SLC38A6: variants seen among roughly 807,000 people sequenced by gnomAD.
SLC38A6 encodes the protein solute carrier family 38 member 6, also known as N system amino acid transporter NAT-1.
In SLC38A6, 73 loss-of-function variants were observed where a neutral mutation model predicts 65.0. The observed-to-expected ratio is 1.12, with a 90% CI of 0.93 to 1.37. The LOEUF (loss-of-function observed/expected upper bound fraction) is 1.37, where lower values mean the gene tolerates loss of function less well. SLC38A6 is among the 40% of genes most tolerant of loss of function. SLC38A6 has a pLI of 0.00. For missense variants in SLC38A6, 561 were observed against 531.1 expected (o/e 1.06, Z -0.55); for synonymous variants, 183 against 178.8 (o/e 1.02, Z -0.19).
At chr14:61,048,270 GGTGAAGTGACCTGTCACAGA>G in intron 12 of SLC38A6, 2 of 385,760 alleles carry the variant, frequency 5.2e-6, no homozygotes, top group Non-Finnish European at 1.0e-5. Flanking sequence ...AGCCCAGAGA[GGTGAAGTGACCTGTCACAGA>G]ATTAAAGGCA....
chr14:61,009,650 G>A (rs143894494), intron 3 of SLC38A6, among the ~76,000 whole-genome samples: 2,806 of 151,812 alleles, frequency 0.018, 54 homozygotes, highest in South Asian at 0.067. Context: ...TTTGTCCTTG[G>A]GATAGTTTGC....
chr14:61,081,743 C>T (rs535751494), intron 16 of SLC38A6, among the ~76,000 whole-genome samples: 11 of 152,222 alleles, frequency 7.2e-5, no homozygotes, highest in East Asian at 5.8e-4. Context: ...TTAATTTGTG[C>T]GACTAGCTCA....
At chr14:61,052,763 C>T (rs572200039), downstream of SLC38A6, 1 of 161,446 alleles carries the variant, frequency 6.2e-6, no homozygotes, top group South Asian at 1.9e-4. Flanking sequence ...CTATTATTAA[C>T]TCTTGCGTTC....
At chr14:61,078,285 G>A (rs2043500371) in intron 15 of SLC38A6, among the ~76,000 whole-genome samples, 1 of 152,122 alleles carries the variant, frequency 6.6e-6, no homozygotes, top group South Asian at 2.1e-4. Context: ...AACAACTGAA[G>A]TAAAATTGAA....
intron 15 of SLC38A6, among the ~76,000 whole-genome samples, chr14:61,064,788 GA>G (rs2042970131): frequency 6.6e-6 from 1 of 151,738 alleles, no homozygotes; most frequent in South Asian, 2.1e-4. Flanking sequence ...AAGTAAAGCA[GA>G]AAATATATAC....
chr14:61,079,131 A>T (rs1376286009), intron 16 of SLC38A6, among the ~76,000 whole-genome samples: 2 of 133,318 alleles, frequency 1.5e-5, no homozygotes, highest in African/African-American at 3.2e-5. Context: ...CCTGCCTCCA[A>T]ACTTTTTTTT....
At position 60,984,756 on chromosome 14, in the gene SLC38A6, T is replaced by C; in HGVS notation, c.263T>C (p.Leu88Pro). ...FSFLLLTVALLASYSVHLLLS... is the reference protein window; with the variant it reads ...FSFLLLTVALPASYSVHLLLS... ...TTCTTGCTGCTGACAGTTGCTCTCC[T>C]GGCTTCTTACTCAGTCCATCTTCTG... The change falls in exon 3 of 16, where the codon CTG (leucine) becomes CCG (proline). Residue 88 changes from leucine to proline, a missense_variant. Coordinates refer to ENST00000267488, the MANE Select transcript of SLC38A6 (RefSeq NM_153811.3). 4 of 1,614,016 alleles carry C rather than the reference T, an allele frequency of 2.5e-6. No homozygotes were observed. The highest frequency in any genetic ancestry group is 3.4e-6 in the Non-Finnish European group (4 of 1,179,916).
chr14:61,009,620 G>C, intron 3 of SLC38A6, among the ~76,000 whole-genome samples: 1 of 151,770 alleles, frequency 6.6e-6, no homozygotes, highest in Non-Finnish European at 1.5e-5. Context: ...CTATGAGTGA[G>C]AACATGTGGT....
chr14:61,027,866 T>A (rs1304105283), intron 5 of SLC38A6, among the ~76,000 whole-genome samples: 2 of 152,032 alleles, frequency 1.3e-5, no homozygotes, highest in Admixed American at 1.3e-4. Context: ...CTATAGTAAG[T>A]TCTGTGGTTG....
chr14:61,014,154 C>G (rs1051764108), intron 3 of SLC38A6, among the ~76,000 whole-genome samples: 2 of 152,158 alleles, frequency 1.3e-5, no homozygotes, highest in Non-Finnish European at 2.9e-5. Flanking sequence ...TCACTGATAG[C>G]CTTTCTTCCA....
At chr14:60,981,496 C>A in intron 1 of SLC38A6, 114 bp downstream of exon 1, 4 of 1,536,274 alleles carry the variant, frequency 2.6e-6, no homozygotes, top group Non-Finnish European at 3.5e-6. Context: ...ATGCTGGAGC[C>A]TGAACCCTGG....
intron 16 of SLC38A6, among the ~76,000 whole-genome samples, chr14:61,082,297 C>T (rs533057363): frequency 6.6e-5 from 10 of 152,328 alleles, no homozygotes; most frequent in African/African-American, 1.9e-4. Flanking sequence ...AGCCTACTTA[C>T]TCACTGGAAA....
rs1229127177 is a variant in SLC38A6, at chr14:61,037,767, G to A, written c.624+84G>A. ...AGTCTTTTTTACTTTTAACTGTTTT[G>A]TGTTGGGAAGGGTATCTCATTTTAT... On this transcript the variant is annotated intron_variant, in intron 8 of 15. Transcript: ENST00000267488. 13 of 858,340 alleles carry A rather than the reference G, an allele frequency of 1.5e-5. 1 individual carries two copies. Among genetic ancestry groups the A allele is most frequent in the Non-Finnish European group, 2.3e-5 (13 of 563,854 alleles). The allele number at this position is 858,340 out of a possible 1,614,324, so 53.2% of individuals were successfully genotyped here.
chr14:61,067,893 T>C (rs551516598), intron 15 of SLC38A6, among the ~76,000 whole-genome samples: 32 of 152,288 alleles, frequency 2.1e-4, no homozygotes, highest in African/African-American at 7.0e-4. Context: ...ACATTCTTCA[T>C]CATACTTACA....
intron 3 of SLC38A6, among the ~76,000 whole-genome samples, chr14:60,996,706 T>C (rs1330890462): frequency 6.6e-6 from 1 of 152,138 alleles, no homozygotes; most frequent in Non-Finnish European, 1.5e-5. Flanking sequence ...AATCCAGTTA[T>C]ATAGATAATA....
chr14:61,017,731 C>A (rs1339638043), intron 4 of SLC38A6, among the ~76,000 whole-genome samples: 1 of 152,080 alleles, frequency 6.6e-6, no homozygotes, highest in African/African-American at 2.4e-5. Flanking sequence ...TTTCCTAAAC[C>A]TCTTAGAGTA....
chr14:61,083,443 C>T, intron 16 of SLC38A6: 1 of 1,441,846 alleles, frequency 6.9e-7, no homozygotes, highest in Non-Finnish European at 9.1e-7. Context: ...CCCCAATCCC[C>T]AGGACCTCAG....
chr14:60,984,400 T>C (rs1371122191), intron 2 of SLC38A6, among the ~76,000 whole-genome samples: 1 of 152,062 alleles, frequency 6.6e-6, no homozygotes, highest in East Asian at 1.9e-4. Context: ...AGAAAACCAG[T>C]CATAAAAAGG....
At chr14:61,044,811 C>G (rs1376278187) in intron 10 of SLC38A6, among the ~76,000 whole-genome samples, 1 of 152,000 alleles carries the variant, frequency 6.6e-6, no homozygotes, top group East Asian at 1.9e-4. Context: ...GATATTCATT[C>G]CCATTGAAAG....
Sources: allele counts gnomAD v4.1 joint callset (sites outside exome capture counted in the v4.1 genomes callset), GRCh38; gene constraint gnomAD v4.1.1; transcripts MANE v1.5; gene names NCBI Gene and HGNC (gene_info 2026-07-23, HGNC 2026-07-21).